The following NTNG1 variants were observed in gnomAD, a reference collection of about 807,000 sequenced individuals.
NTNG1 encodes the protein netrin G1.
A neutral mutation model predicts 54.0 loss-of-function variants in NTNG1; 16 were observed. That is an observed-to-expected ratio of 0.30 (90% CI 0.20 to 0.45). The LOEUF (loss-of-function observed/expected upper bound fraction) is 0.45, where lower values mean the gene tolerates loss of function less well. NTNG1 is among the 20% of genes least tolerant of loss of function. The probability of loss-of-function intolerance (pLI) is 1.00; values close to 1 mark genes in which losing one functional copy is unlikely to be tolerated. For synonymous variants in NTNG1, 255 were observed against 263.1 expected, an observed-to-expected ratio of 0.97 and a Z score of 0.30; for missense variants, 530 against 678.7, an observed-to-expected ratio of 0.78 and a Z score of 2.43.
intron 3 of NTNG1, among the ~76,000 whole-genome samples, chr1:107,368,130 G>A (rs1393292879): frequency 1.3e-5 from 2 of 151,972 alleles, no homozygotes; most frequent in African/African-American, 2.4e-5. Flanking sequence ...CTATCTTCAT[G>A]TCCCCATTAT....
At position 107,343,321 on chromosome 1, in the gene NTNG1, C is replaced by G. The variant is rs116680475; in HGVS notation, c.887+18399C>G. Reference sequence around the variant, plus strand: ...TTTAAGAGCAAGCCGCCATGATGATCTACTATATTAACATCCATTGGAAGT... The same window carrying G: ...TTTAAGAGCAAGCCGCCATGATGATGTACTATATTAACATCCATTGGAAGT... On this transcript the variant is annotated intron_variant, in intron 3 of 7. Coordinates refer to ENST00000370068, the MANE Select transcript of NTNG1 (RefSeq NM_001113226.3). 4.0e-3 allele frequency among the ~76,000 whole-genome samples: 604 copies of G among 152,208 alleles called. 6 individuals carry two copies. The highest frequency in any genetic ancestry group is 0.014 in the African/African-American group (566 of 41,548).
chr1:107,199,777 C>T (rs1234351721), intron 2 of NTNG1, among the ~76,000 whole-genome samples: 1 of 151,822 alleles, frequency 6.6e-6, no homozygotes, highest in Non-Finnish European at 1.5e-5. Context: ...AACTCTGGTC[C>T]TCTTAAAGTA....
At chr1:107,411,599 C>T (rs1235665957) in intron 5 of NTNG1, among the ~76,000 whole-genome samples, 10 of 151,450 alleles carry the variant, frequency 6.6e-5, no homozygotes, top group African/African-American at 1.5e-4. Flanking sequence ...GTTTTTTTTT[C>T]CCCTTTGCTT....
intron 2 of NTNG1, among the ~76,000 whole-genome samples, chr1:107,163,997 G>A (rs1304387404): frequency 2.0e-5 from 3 of 152,082 alleles, no homozygotes; most frequent in Admixed American, 6.6e-5. Context: ...ATGGATTTCC[G>A]TCACACTGCT....
At chr1:107,347,207 A>G (rs1338505372) in intron 3 of NTNG1, among the ~76,000 whole-genome samples, 1 of 152,174 alleles carries the variant, frequency 6.6e-6, no homozygotes, top group African/African-American at 2.4e-5. Context: ...CCACGTCAGT[A>G]AAGTGAGAAT....
chr1:107,164,604 G>A (rs1655637710), intron 2 of NTNG1, among the ~76,000 whole-genome samples: 1 of 152,176 alleles, frequency 6.6e-6, no homozygotes, highest in Non-Finnish European at 1.5e-5. Context: ...ACACTTCAAA[G>A]AAGAAATTTA....
chr1:107,181,791 T>C (rs890495928), intron 2 of NTNG1, among the ~76,000 whole-genome samples: 1 of 152,124 alleles, frequency 6.6e-6, no homozygotes, highest in Non-Finnish European at 1.5e-5. Flanking sequence ...TGACACACGG[T>C]GCTTAAATCC....
chr1:107,461,632 C>G (rs1240583740), intron 7 of NTNG1, among the ~76,000 whole-genome samples: 4 of 151,614 alleles, frequency 2.6e-5, no homozygotes, highest in Non-Finnish European at 5.9e-5. Context: ...CTCCCGGGTT[C>G]AAGCGATTCC....
At chr1:107,357,507 C>T (rs1005860831) in intron 3 of NTNG1, among the ~76,000 whole-genome samples, 1 of 152,196 alleles carries the variant, frequency 6.6e-6, no homozygotes, top group Admixed American at 6.5e-5. Context: ...ATTTCTTCCA[C>T]AGACATTTCA....
chr1:107,240,581 T>G lies in NTNG1; in HGVS notation c.247-83701T>G, dbSNP rs567794636. On this transcript the variant is annotated intron_variant, in intron 2 of 7. Coordinates refer to ENST00000370068, the MANE Select transcript of NTNG1 (RefSeq NM_001113226.3). ...AGTCATTTGATGTTGTAATATCAGT[T>G]TTGCCAAAAAATGTGCACATTCCTC... Among the ~76,000 whole-genome samples, 13 of 152,290 alleles carry G rather than the reference T, an allele frequency of 8.5e-5. No individual in the cohort carries two copies. The South Asian group carries it at 2.7e-3, about 32-fold the overall frequency.
intron 7 of NTNG1, among the ~76,000 whole-genome samples, chr1:107,468,178 T>C (rs1385400766): frequency 1.2e-4 from 18 of 152,180 alleles, no homozygotes; most frequent in Admixed American, 9.2e-4. Context: ...CATACTTAAA[T>C]ATCCCTGCTG....
intron 2 of NTNG1, among the ~76,000 whole-genome samples, chr1:107,174,960 G>A (rs866997783): frequency 1.9e-4 from 29 of 152,116 alleles, no homozygotes; most frequent in African/African-American, 1.2e-4. Flanking sequence ...CATGGTTTTC[G>A]TAATGTAAGT....
intron 2 of NTNG1, among the ~76,000 whole-genome samples, chr1:107,197,479 A>G (rs4281348): frequency 0.053 from 8,115 of 152,130 alleles, 682 homozygotes; most frequent in African/African-American, 0.18. Context: ...TGCATATTAT[A>G]TAAGAATGGG....
At chr1:107,420,951 C>T (rs1350546698) in intron 5 of NTNG1, 1 of 652,848 alleles carries the variant, frequency 1.5e-6, no homozygotes, top group Non-Finnish European at 2.7e-6. Flanking sequence ...TTGAAACAAA[C>T]TCCTAGAAAC....
At chr1:107,190,500 A>G (rs1014150599) in intron 2 of NTNG1, among the ~76,000 whole-genome samples, 2 of 152,134 alleles carry the variant, frequency 1.3e-5, no homozygotes, top group African/African-American at 4.8e-5. Context: ...ATATGTATAC[A>G]TGTGCCATGT....
chr1:107,435,101 C>T (rs1570955049), intron 6 of NTNG1, among the ~76,000 whole-genome samples: 1 of 151,918 alleles, frequency 6.6e-6, no homozygotes, highest in Non-Finnish European at 1.5e-5. Context: ...TGTGAATTCA[C>T]GTTGGCCAGA....
intron 2 of NTNG1, among the ~76,000 whole-genome samples, chr1:107,283,714 A>G (rs1009222438): frequency 3.3e-5 from 5 of 152,116 alleles, no homozygotes; most frequent in African/African-American, 1.2e-4. Flanking sequence ...TAGCTTCTTC[A>G]GTTTGCCACA....
intron 3 of NTNG1, among the ~76,000 whole-genome samples, chr1:107,387,395 G>A (rs1672076482): frequency 6.6e-6 from 1 of 152,152 alleles, no homozygotes; most frequent in Non-Finnish European, 1.5e-5. Context: ...CTGACATACT[G>A]GTGAGCTCTA....
intron 7 of NTNG1, 148 bp from the exon 8 acceptor site, chr1:107,480,463 G>A: frequency 1.7e-6 from 1 of 592,666 alleles, no homozygotes. Context: ...TGGAGTCACG[G>A]GCTTCGTTTG....
Sources: gnomAD v4.1 joint callset for allele counts (sites outside exome capture counted in the v4.1 genomes callset) on GRCh38, gnomAD v4.1.1 for gene constraint, MANE v1.5 for transcripts, NCBI Gene and HGNC (gene_info 2026-07-23, HGNC 2026-07-21) for gene names.